NARS2: variants seen among roughly 807,000 people sequenced by gnomAD.
NARS2 encodes asparaginyl-tRNA synthetase 2, mitochondrial.
A neutral mutation model predicts 62.9 loss-of-function variants in NARS2; 60 were observed. The observed-to-expected ratio is 0.95, with a 90% CI of 0.77 to 1.18. The LOEUF (loss-of-function observed/expected upper bound fraction) is 1.18, where lower values mean the gene tolerates loss of function less well. Among genes scored for constraint, NARS2 ranks in the 50% most tolerant of loss-of-function variants. The pLI, the probability that NARS2 is intolerant of heterozygous loss-of-function variation, is 0.00. For missense variants in NARS2, 619 were observed against 576.4 expected (o/e 1.07, Z -0.76); for synonymous variants, 196 against 200.0 (o/e 0.98, Z 0.17).
intron 11 of NARS2, among the ~76,000 whole-genome samples, chr11:78,458,877 G>T (rs1183875057): frequency 6.6e-6 from 1 of 151,794 alleles, no homozygotes; most frequent in Non-Finnish European, 1.5e-5. Context: ...TGTTCTTGTG[G>T]TAGTAAGTCT....
chr11:78,488,234 T>TAAAA (rs34959536), intron 7 of NARS2, among the ~76,000 whole-genome samples: 2 of 128,856 alleles, frequency 1.6e-5, no homozygotes, highest in African/African-American at 2.6e-5. Context: ...GCCTACCTGG[T>TAAAA]AAAAAAAAAA....
intron 3 of NARS2, among the ~76,000 whole-genome samples, chr11:78,566,557 T>C (rs1479198358): frequency 1.3e-5 from 2 of 152,224 alleles, no homozygotes; most frequent in Non-Finnish European, 2.9e-5. Flanking sequence ...TTTGTATCCA[T>C]TAGCTGTGAA....
chr11:78,466,051 A>G, intron 10 of NARS2, 38 bp from the exon 11 acceptor site: 6 of 1,549,748 alleles, frequency 3.9e-6, no homozygotes, highest in Non-Finnish European at 5.2e-6. Flanking sequence ...AAGAGGAGAC[A>G]GAGGTGAAAT....
At chr11:78,562,624 A>G (rs934440047) in intron 4 of NARS2, among the ~76,000 whole-genome samples, 1 of 152,202 alleles carries the variant, frequency 6.6e-6, no homozygotes, top group African/African-American at 2.4e-5. Flanking sequence ...TTCCACTGGA[A>G]TTTAGAAAAA....
At chr11:78,468,895 G>A (rs1858747326) in intron 10 of NARS2, among the ~76,000 whole-genome samples, 2 of 150,512 alleles carry the variant, frequency 1.3e-5, no homozygotes, top group Admixed American at 1.3e-4. Flanking sequence ...GCCTCCCAAA[G>A]TGCTGGAATT....
At position 78,554,546 on chromosome 11, in the gene NARS2, C is replaced by G. The variant is rs918356693; in HGVS notation, c.594+4993G>C. On this transcript the variant is annotated intron_variant, in intron 5 of 13. Transcript: ENST00000281038. ...GTGTGTGTGTCAACTGTGAATGGGACTGACTTTCTGCTTTGGCTCTCAGTT... is the reference window on the plus strand; with the variant it reads ...GTGTGTGTGTCAACTGTGAATGGGAGTGACTTTCTGCTTTGGCTCTCAGTT... Among the ~76,000 whole-genome samples the G allele has an allele frequency of 4.2e-5, 3 of 71,862 alleles. No individual in the cohort carries two copies. In the Admixed American group the frequency reaches 4.3e-4, roughly 10 times the overall value. 47.1% of individuals were successfully genotyped at this position (71,862 alleles called of 152,430 possible).
In NARS2 at chr11:78,512,185, CTTAA is replaced by C. The variant is rs368625678; in HGVS notation, c.689+16653_689+16656del. Among the ~76,000 whole-genome samples the C allele has an allele frequency of 1.7e-4, 26 of 152,354 alleles. No individual in the cohort carries two copies. In the East Asian group the frequency reaches 4.8e-3, roughly 28 times the overall value. ...TCTGACAGTTAATTGATTTCTCTGT[CTTAA>C]TTCTTTCCTCCATTCCAGGTGCTGA... On this transcript the variant is annotated intron_variant, in intron 6 of 13. Coordinates refer to ENST00000281038, the MANE Select transcript of NARS2 (RefSeq NM_024678.6).
chr11:78,559,775 T>C (rs1005456798), intron 4 of NARS2, among the ~76,000 whole-genome samples, 156 bp from the exon 5 acceptor site: 1 of 152,168 alleles, frequency 6.6e-6, no homozygotes, highest in South Asian at 2.1e-4. Context: ...ATCAGTTGAG[T>C]GTTTTAACTA....
At chr11:78,558,195 C>G (rs1461125886) in intron 5 of NARS2, 1 of 152,174 alleles carries the variant, frequency 6.6e-6, no homozygotes, top group Admixed American at 6.5e-5. Flanking sequence ...TCTTTGAACT[C>G]ATATACACAG....
intron 12 of NARS2, among the ~76,000 whole-genome samples, chr11:78,442,189 G>C (rs900958058): frequency 6.6e-6 from 1 of 152,224 alleles, no homozygotes; most frequent in Non-Finnish European, 1.5e-5. Flanking sequence ...TTCAACAGAT[G>C]AGGTTTCTTG....
intron 11 of NARS2, among the ~76,000 whole-genome samples, chr11:78,463,744 G>C (rs1356576754): frequency 1.5e-5 from 2 of 130,492 alleles, no homozygotes; most frequent in East Asian, 4.5e-4. Context: ...AAAACCACAG[G>C]ACAAGAAACG....
intron 6 of NARS2, among the ~76,000 whole-genome samples, chr11:78,527,916 C>CTA (rs1185638142): frequency 6.6e-6 from 1 of 152,044 alleles, no homozygotes; most frequent in African/African-American, 2.4e-5. Context: ...TGAGACCAGC[C>CTA]TAGGACACAT....
chr11:78,507,771 G>A (rs993381446), intron 6 of NARS2, among the ~76,000 whole-genome samples: 8 of 151,760 alleles, frequency 5.3e-5, no homozygotes, highest in African/African-American at 1.5e-4. Context: ...CACCCACCTC[G>A]GCCTCCCAAA....
At chr11:78,538,994 C>CAAAAAAAAAAAAAAAAAAAAAAA (rs59917269) in intron 5 of NARS2, among the ~76,000 whole-genome samples, 1 of 49,794 alleles carries the variant, frequency 2.0e-5, no homozygotes, top group Non-Finnish European at 3.1e-5. Flanking sequence ...GAATCCGTCT[C>CAAAAAAAAAAAAAAAAAAAAAAA]AAAAAAAAAA....
chr11:78,503,382 C>T (rs927151350), intron 6 of NARS2, among the ~76,000 whole-genome samples: 5 of 152,180 alleles, frequency 3.3e-5, no homozygotes, highest in East Asian at 1.9e-4. Flanking sequence ...GGACTACAGG[C>T]GCGTGCCACC....
intron 5 of NARS2, among the ~76,000 whole-genome samples, chr11:78,548,560 A>G (rs1855966575): frequency 6.6e-6 from 1 of 152,214 alleles, no homozygotes; most frequent in African/African-American, 2.4e-5. Context: ...GCTTCTGCAC[A>G]CTGTTTTACC....
intron 5 of NARS2, among the ~76,000 whole-genome samples, chr11:78,550,334 A>T (rs573738404): frequency 6.6e-6 from 1 of 152,350 alleles, no homozygotes; most frequent in African/African-American, 2.4e-5. Flanking sequence ...TTACAAGGAA[A>T]GTAACTTTAA....
chr11:78,571,876 C>T (rs1046555118), intron 1 of NARS2, among the ~76,000 whole-genome samples: 6 of 152,138 alleles, frequency 3.9e-5, no homozygotes, highest in African/African-American at 1.2e-4. Context: ...CAGAAGGCAT[C>T]TCCTCTTTGG....
chr11:78,454,661 T>A (rs1382702192), intron 11 of NARS2, among the ~76,000 whole-genome samples: 1 of 151,604 alleles, frequency 6.6e-6, no homozygotes, highest in African/African-American at 2.4e-5. Context: ...TTCTGTCGCC[T>A]GGGCTGGAGT....
Sources: allele counts gnomAD v4.1 joint callset (sites outside exome capture counted in the v4.1 genomes callset), GRCh38; gene constraint gnomAD v4.1.1; transcripts MANE v1.5; gene names NCBI Gene and HGNC (gene_info 2026-07-23, HGNC 2026-07-21).